The following LPIN2 variants were observed in gnomAD, a reference collection of about 807,000 sequenced individuals.
The protein encoded by LPIN2 is lipin 2, also known as phosphatidate phosphatase LPIN2.
In LPIN2, 55 loss-of-function variants were observed where a neutral mutation model predicts 111.4. The observed-to-expected ratio is 0.49, with a 90% confidence interval of 0.40 to 0.62. LPIN2 has a LOEUF of 0.62. LPIN2 is among the 20% of genes least tolerant of loss of function. The pLI, the probability that LPIN2 is intolerant of heterozygous loss-of-function variation, is 0.00. For synonymous variants in LPIN2, 425 were observed against 414.0 expected (o/e 1.03, Z -0.32); for missense variants, 992 against 1,112.1 (o/e 0.89, Z 1.54).
chr18:2,989,297 G>A (rs1428054618), intron 1 of LPIN2, among the ~76,000 whole-genome samples: 1 of 151,748 alleles, frequency 6.6e-6, no homozygotes, highest in Non-Finnish European at 1.5e-5. Context: ...CAAACATTAT[G>A]CAATGCATCT....
chr18:2,938,786 A>G (rs1240745019), intron 6 of LPIN2, among the ~76,000 whole-genome samples: 8 of 152,228 alleles, frequency 5.3e-5, no homozygotes, highest in Admixed American at 4.6e-4. Flanking sequence ...TTTCTCTCTC[A>G]AGAAATTTAT....
intron 1 of LPIN2, among the ~76,000 whole-genome samples, chr18:2,974,578 T>C (rs748015849): frequency 6.6e-6 from 1 of 152,266 alleles, no homozygotes; most frequent in Non-Finnish European, 1.5e-5. Context: ...TTAAACATTG[T>C]ATATCCTCAA....
intron 1 of LPIN2, among the ~76,000 whole-genome samples, chr18:2,995,861 T>C (rs1278016656): frequency 6.6e-6 from 1 of 152,198 alleles, no homozygotes; most frequent in Admixed American, 6.5e-5. Flanking sequence ...AATGACAGCA[T>C]AGATGAAATG....
intron 1 of LPIN2, chr18:2,991,073 C>A: frequency 5.4e-6 from 3 of 554,966 alleles, no homozygotes; most frequent in South Asian, 1.4e-5. Flanking sequence ...ATGACTCGAG[C>A]AGACAGAAAG....
chr18:2,937,699 C>G lies in LPIN2; in HGVS notation c.1161G>C (p.Lys387Asn). 1.2e-6 allele frequency: 2 copies of G among 1,613,906 alleles called. No individual in the cohort carries two copies. Among genetic ancestry groups the G allele is most frequent in the Non-Finnish European group, 1.7e-6 (2 of 1,179,934 alleles). Reference protein sequence around the residue: ...KPAAKVDSPSKKKGVHKRSQH... With the variant: ...KPAAKVDSPSNKKGVHKRSQH... The stretch of plus-strand genomic sequence containing the variant: ...AATTAAACAAACGATTACCTTTCTT[C>G]TTTGACGGCGAGTCTACTTTAGCTG... Residue 387 changes from lysine to asparagine, a missense_variant, in exon 7 of 20, where the codon AAG becomes AAC. This residue lies in a region of LPIN2 where 709 missense variants were observed against 753.2 expected (regional missense o/e 0.94). Transcript: ENST00000677752.
intron 1 of LPIN2, among the ~76,000 whole-genome samples, chr18:2,995,948 T>C (rs1257764770): frequency 6.6e-6 from 1 of 152,232 alleles, no homozygotes; most frequent in African/African-American, 2.4e-5. Context: ...TCACATTTTT[T>C]AAGCAGGGTA....
intron 1 of LPIN2, among the ~76,000 whole-genome samples, chr18:2,962,151 C>G (rs2077723432): frequency 6.6e-6 from 1 of 152,182 alleles, no homozygotes; most frequent in African/African-American, 2.4e-5. Context: ...AGCCCTGATT[C>G]TAAATTGTTT....
chr18:2,987,282 C>T (rs1020521027), intron 1 of LPIN2, among the ~76,000 whole-genome samples: 6 of 152,158 alleles, frequency 3.9e-5, no homozygotes, highest in Admixed American at 1.3e-4. Flanking sequence ...CATCACAACA[C>T]TGAGGCCAAG....
intron 1 of LPIN2, among the ~76,000 whole-genome samples, chr18:2,989,428 G>A (rs927448894): frequency 3.3e-5 from 5 of 152,074 alleles, no homozygotes; most frequent in East Asian, 1.9e-4. Flanking sequence ...AAAGACATCC[G>A]TGTTCGTGAA....
chr18:2,967,920 C>T (rs1028291719), intron 1 of LPIN2, among the ~76,000 whole-genome samples: 4 of 152,190 alleles, frequency 2.6e-5, no homozygotes, highest in African/African-American at 7.2e-5. Flanking sequence ...ACAAGAACAA[C>T]CTGGCCTACC....
rs936174312 is a variant in LPIN2 at position 2,920,003 on chromosome 18, T to C, written c.*290A>G. 38 of 515,524 alleles carry C rather than the reference T, an allele frequency of 7.4e-5. No individual in the cohort carries two copies. In the Admixed American group the frequency reaches 1.1e-3, roughly 15 times the overall value. The allele number at this position is 515,524 out of a possible 1,614,324, so 31.9% of individuals were successfully genotyped here. On this transcript the variant is annotated 3_prime_UTR_variant, in exon 20 of 20. Transcript: ENST00000677752. ...TTTTTCTTCCTTTAAAATGATGCAA[T>C]GGAAGGAGGCCCCAGCTCACAGCAG...
chr18:2,969,972 A>C (rs2077879413), intron 1 of LPIN2, among the ~76,000 whole-genome samples: 1 of 152,164 alleles, frequency 6.6e-6, no homozygotes, highest in South Asian at 2.1e-4. Flanking sequence ...TAGTAATAGA[A>C]TTTTAGACAT....
intron 7 of LPIN2, among the ~76,000 whole-genome samples, chr18:2,935,511 G>C (rs1385838840): frequency 1.3e-5 from 2 of 152,126 alleles, no homozygotes; most frequent in African/African-American, 4.8e-5. Flanking sequence ...GTGTAGGAGA[G>C]AGAGTTCTAA....
intron 4 of LPIN2, chr18:2,950,732 T>C (rs2077522608): frequency 5.3e-6 from 2 of 378,468 alleles, no homozygotes; most frequent in South Asian, 2.8e-5. Flanking sequence ...ATCCCAGAGA[T>C]GACATGGTGT....
chr18:2,991,311 AAG>A (rs1400273187), intron 1 of LPIN2, among the ~76,000 whole-genome samples: 1 of 152,232 alleles, frequency 6.6e-6, no homozygotes, highest in Non-Finnish European at 1.5e-5. Flanking sequence ...TTTTTTAAAA[AAG>A]GAAAATATAT....
At chr18:2,958,158 C>A (rs9947238) in intron 2 of LPIN2, among the ~76,000 whole-genome samples, 27,365 of 34,324 alleles carry the variant, frequency 0.8, 10,656 homozygotes, top group East Asian at 0.92. Flanking sequence ...AAAAAAAAAA[C>A]AACAAAAAAA....
chr18:3,007,160 T>C (rs2078528863), intron 1 of LPIN2, among the ~76,000 whole-genome samples: 1 of 150,652 alleles, frequency 6.6e-6, no homozygotes, highest in African/African-American at 2.5e-5. Flanking sequence ...TTATATTTAG[T>C]TAGTTATTTA....
intron 1 of LPIN2, among the ~76,000 whole-genome samples, chr18:3,005,351 CAAAAAAAAAAAA>C (rs2078496852): frequency 1.5e-5 from 2 of 129,838 alleles, no homozygotes; most frequent in South Asian, 2.4e-4. Context: ...GACTCCGTCT[CAAAAAAAAAAAA>C]GAAAAAGAAA....
chr18:2,938,015 T>C lies in LPIN2; in HGVS notation c.845A>G (p.Asp282Gly), dbSNP rs774363389. 3.7e-6 allele frequency: 6 copies of C among 1,614,038 alleles called. No homozygotes were observed. The highest frequency in any genetic ancestry group is 4.2e-6 in the Non-Finnish European group (5 of 1,179,966). Residue 282 changes from aspartate (D) to glycine (G), a missense_variant, in exon 7 of 20, where the codon GAC becomes GGC. Asp to Gly is a moderately conservative substitution (Grantham distance 94). This residue lies in a region of LPIN2 where 709 missense variants were observed against 753.2 expected (regional missense o/e 0.94). Transcript: ENST00000677752. ...AATTGTAGCTGTCCTAGGATGATGG[T>C]CAGATCGTTCTCTTTTGCTGACCTA... ...STKVSKRERS[D>G]HHPRTATITP...
Sources: gnomAD v4.1 joint callset for allele counts (sites outside exome capture counted in the v4.1 genomes callset) on GRCh38, gnomAD v4.1.1 for gene constraint, gnomAD v4.1.1 regional missense constraint, MANE v1.5 for transcripts, NCBI Gene and HGNC (gene_info 2026-07-23, HGNC 2026-07-21) for gene names.